Variants in RASL10A observed in about 807,000 individuals in gnomAD.
The protein encoded by RASL10A is ras-like protein family member 10A.
In RASL10A, 13 loss-of-function variants were observed where a neutral mutation model predicts 17.3. The ratio of observed to expected loss-of-function variants is 0.75; its 90% CI spans 0.49 to 1.20. The LOEUF is 1.20. Among genes scored for constraint, RASL10A ranks in the 50% most tolerant of loss-of-function variants. The probability of loss-of-function intolerance (pLI) is 0.00; values close to 1 mark genes in which losing one functional copy is unlikely to be tolerated. For synonymous variants in RASL10A, 159 were observed against 142.2 expected (o/e 1.12, Z -0.84); for missense variants, 307 against 310.3 (o/e 0.99, Z 0.08).
At chr22:29,318,300 G>T (rs2061462518), upstream of RASL10A, among the ~76,000 whole-genome samples, 1 of 152,228 alleles carries the variant, frequency 6.6e-6, no homozygotes, top group Non-Finnish European at 1.5e-5. Context: ...ACAGCCTCAT[G>T]CTCACTAAGG....
At chr22:29,313,610 C>T in intron 2 of RASL10A, 42 bp from the exon 3 acceptor site, 1 of 1,490,534 alleles carries the variant, frequency 6.7e-7, no homozygotes, top group Non-Finnish European at 8.9e-7. Context: ...GACCCCACGG[C>T]CGGAGAATTC....
intron 1 of RASL10A, 58 bp from the exon 2 acceptor site, chr22:29,314,045 C>T (rs2061438212): frequency 6.2e-7 from 1 of 1,600,242 alleles, no homozygotes; most frequent in South Asian, 1.1e-5. Context: ...CGCTCTCGAA[C>T]CCTCTGCAGG....
chr22:29,316,728 G>T (rs1347107508), upstream of RASL10A: 1 of 152,116 alleles, frequency 6.6e-6, no homozygotes. Context: ...AGAAATGGCC[G>T]CAATGCACAG....
Position 29,313,508 on chromosome 22 carries a change from C to A in RASL10A, c.405G>T (p.Arg135=). Residue 135 remains arginine, a synonymous_variant, in exon 3 of 3, where the codon CGG becomes CGT. Coordinates refer to ENST00000216101, the MANE Select transcript of RASL10A (RefSeq NM_006477.5). ...LVVGNKRDRQ[R]LRFGPRRALA... is the part of the protein sequence containing the mutation. ...GCGCGCGCCGCGGTCCGAAGCGCAG[C>A]CGCTGCCTGTCCCGCTTGTTGCCTA... 6.4e-7 allele frequency: 1 copy of A among 1,571,306 alleles called. No homozygotes were observed. The highest frequency in any genetic ancestry group is 8.6e-7 in the Non-Finnish European group (1 of 1,166,776).
At position 29,313,437 on chromosome 22, in the gene RASL10A, C is replaced by G; in HGVS notation, c.476G>C (p.Cys159Ser). The G allele has an allele frequency of 6.5e-7, 1 of 1,541,140 alleles. No homozygotes were observed. Among genetic ancestry groups the G allele is most frequent in the South Asian group, 1.2e-5 (1 of 84,184 alleles). The change falls in exon 3 of 3, where the codon TGC (cysteine) becomes TCC (serine). Residue 159 changes from cysteine to serine, a missense_variant. Physicochemically the swap from Cys to Ser is moderately radical, Grantham distance 112 (BLOSUM62 -1). Transcript: ENST00000216101. Reference protein sequence around the residue: ...RRGWRCGYLECSAKYNWHVLR... With the variant: ...RRGWRCGYLESSAKYNWHVLR... ...CACGTGCCAGTTGTACTTGGCGGAG[C>G]ACTCGAGGTAGCCGCAGCGCCAGCC...
In RASL10A at chr22:29,313,486, C is replaced by G; in HGVS notation, c.427G>C (p.Ala143Pro). 6.4e-7 allele frequency: 1 copy of G among 1,556,316 alleles called. No homozygotes were observed. Among genetic ancestry groups the G allele is most frequent in the Non-Finnish European group, 8.6e-7 (1 of 1,158,162 alleles). The change falls in exon 3 of 3, where the codon GCG (alanine) becomes CCG (proline). Residue 143 changes from alanine to proline, a missense_variant. Physicochemically the swap from Ala to Pro is conservative, Grantham distance 27 (BLOSUM62 -1). Transcript: ENST00000216101. ...RQRLRFGPRR[A>P]LAALVRRGWR... Reference sequence around the variant, plus strand: ...CCCCTGCGCACTAGGGCGGCCAGCGCGCGCCGCGGTCCGAAGCGCAGCCGC... The same window carrying G: ...CCCCTGCGCACTAGGGCGGCCAGCGGGCGCCGCGGTCCGAAGCGCAGCCGC...
rs1163332504 is a variant in RASL10A at position 29,315,524 on chromosome 22, G to A, written c.-278C>T. 4 of 209,842 alleles carry A rather than the reference G, an allele frequency of 1.9e-5. No individual in the cohort carries two copies. The highest frequency in any genetic ancestry group is 3.7e-5 in the Non-Finnish European group (4 of 106,920). 13.0% of individuals were successfully genotyped at this position (209,842 alleles called of 1,614,324 possible). On this transcript the variant is annotated 5_prime_UTR_variant, in exon 1 of 3. Transcript: ENST00000216101. The surrounding 1 kb of genome is among the most constrained non-coding windows in gnomAD (Gnocchi z 5.5). ...CGAGAGAGAGCAGAGCCGGAGCGGC[G>A]CTCAGACACCGCCTCCGCCCCGCAG...
rs149913061 is a variant in RASL10A, at chr22:29,315,551, G to A, written c.-305C>T. ...TCAGACACCGCCTCCGCCCCGCAGC[G>A]CCAACCCAGGCGCCGGCGGACGCGC... On this transcript the variant is annotated 5_prime_UTR_variant, in exon 1 of 3. Coordinates refer to ENST00000216101, the MANE Select transcript of RASL10A (RefSeq NM_006477.5). The surrounding 1 kb of genome is among the most constrained non-coding windows in gnomAD (Gnocchi z 5.5). 0.051 allele frequency: 9,203 copies of A among 180,940 alleles called. 311 individuals are homozygous for A. Among genetic ancestry groups the A allele is most frequent in the Non-Finnish European group, 0.072 (6,324 of 87,434 alleles). The allele number at this position is 180,940 out of a possible 1,614,324, so 11.2% of individuals were successfully genotyped here. A position where few individuals can be genotyped will look rare whatever the true frequency, so the allele number is the denominator to read the frequency against.
In RASL10A at chr22:29,313,495, G is replaced by A. The variant is rs765489818; in HGVS notation, c.418C>T (p.Pro140Ser). The part of the protein sequence containing the change: ...KRDRQRLRFG[P>S]RRALAALVRR... ...ACTAGGGCGGCCAGCGCGCGCCGCG[G>A]TCCGAAGCGCAGCCGCTGCCTGTCC... The change falls in exon 3 of 3, where the codon CCG (proline) becomes TCG (serine). Residue 140 changes from proline to serine, a missense_variant. Coordinates refer to ENST00000216101, the MANE Select transcript of RASL10A (RefSeq NM_006477.5). 3.5e-5 allele frequency: 54 copies of A among 1,563,716 alleles called. No homozygotes were observed. Among genetic ancestry groups the A allele is most frequent in the Non-Finnish European group, 4.6e-5 (53 of 1,162,590 alleles).
At chr22:29,313,705 C>T (rs2061435292) in intron 2 of RASL10A, 137 bp from the exon 3 acceptor site, 4 of 1,426,954 alleles carry the variant, frequency 2.8e-6, no homozygotes, top group African/African-American at 1.4e-5. Context: ...AAACCCCAGG[C>T]CCATGTGGGC....
Position 29,313,545 on chromosome 22 carries a change from G to C in RASL10A, c.368C>G (p.Pro123Arg). The C allele has an allele frequency of 6.5e-7, 1 of 1,537,852 alleles. No individual in the cohort carries two copies. Among genetic ancestry groups the C allele is most frequent in the South Asian group, 1.2e-5 (1 of 81,664 alleles). ...ETRPAGAPEA[P>R]ILVVGNKRDR... is the part of the protein sequence containing the mutation. ...CCGCTTGTTGCCTACCACGAGGATGGGCGCTTCGGGCGCGCCCGCCGGCCT... is the reference window on the plus strand; with the variant it reads ...CCGCTTGTTGCCTACCACGAGGATGCGCGCTTCGGGCGCGCCCGCCGGCCT... The change falls in exon 3 of 3, where the codon CCC (proline) becomes CGC (arginine). Residue 123 changes from proline (P) to arginine (R), a missense_variant. By Grantham distance (103) the Pro-to-Arg change is moderately radical (BLOSUM62 -2). Transcript: ENST00000216101.
At chr22:29,318,880 G>A (rs1023956474), upstream of RASL10A, among the ~76,000 whole-genome samples, 1 of 152,206 alleles carries the variant, frequency 6.6e-6, no homozygotes, top group East Asian at 1.9e-4. Flanking sequence ...CTGTGGCAGG[G>A]AGAAAGAGAC....
chr22:29,313,857 C>T lies in RASL10A; in HGVS notation c.344+6G>A. On this transcript the variant is annotated splice_donor_region_variant and intron_variant, in intron 2 of 2. Coordinates refer to ENST00000216101, the MANE Select transcript of RASL10A (RefSeq NM_006477.5). ...CTCCCCACCGCCAGAACTGCCGGGC[C>T]CCTACCTGGTCTCCGCGATGCGCTG... is the stretch of plus-strand genomic sequence containing the variant. 2 of 1,613,112 alleles carry T rather than the reference C, an allele frequency of 1.2e-6. No homozygotes were observed. The highest frequency in any genetic ancestry group is 1.1e-5 in the South Asian group (1 of 91,086).
Position 29,313,562 on chromosome 22 carries a change from C to T in RASL10A, c.351G>A (p.Ala117=). The part of the protein sequence containing the change: ...LRQRIAETRP[A]GAPEAPILVV... ...CGAGGATGGGCGCTTCGGGCGCGCC[C>T]GCCGGCCTGGGGGCCGAATGGAGAT... The change falls in exon 3 of 3, where the codon GCG becomes GCA. Residue 117 remains alanine, a synonymous_variant. Transcript: ENST00000216101. The T allele has an allele frequency of 1.3e-6, 2 of 1,535,112 alleles. No individual in the cohort carries two copies. The highest frequency in any genetic ancestry group is 1.7e-6 in the Non-Finnish European group (2 of 1,152,560).
In RASL10A at chr22:29,313,982, CCA is replaced by C; in HGVS notation, c.223_224del (p.Trp75AlafsTer4). ...GCAAGCTCCAGTCCTTAGCGTCTGG[CCA>C]CTCCTGGGGACAGGAGGCCAGGGTT... The part of the protein sequence containing the change: ...PGSSPGGPEE[W>X]PDAKDWSLQD... On this transcript the variant is annotated frameshift_variant, in exon 2 of 3. Transcript: ENST00000216101. LOFTEE classifies it high-confidence loss of function. 6.2e-7 allele frequency: 1 copy of C among 1,613,392 alleles called. No individual in the cohort carries two copies.
chr22:29,314,385 C>CGTAG lies in RASL10A; in HGVS notation c.220-402_220-399dup, dbSNP rs898425824. The CGTAG allele has an allele frequency of 2.7e-4, 50 of 186,142 alleles. 2 individuals carry two copies. Among genetic ancestry groups the CGTAG allele is most frequent in the African/African-American group, 1.2e-3 (49 of 42,486 alleles). 11.5% of individuals were successfully genotyped at this position (186,142 alleles called of 1,614,324 possible). ...ATTGTCAGCTGTAACCGTTTATGAC[C>CGTAG]GTAGCGTAAGCACCTGCTGGTCTTT... is the stretch of plus-strand genomic sequence containing the variant. On this transcript the variant is annotated intron_variant, in intron 1 of 2. Transcript: ENST00000216101.
At chr22:29,318,711 C>T (rs2061464103), upstream of RASL10A, among the ~76,000 whole-genome samples, 1 of 152,184 alleles carries the variant, frequency 6.6e-6, no homozygotes, top group African/African-American at 2.4e-5. Context: ...CTGCCTGCTG[C>T]CCCCCTCCAA....
rs1222782947 is a variant in RASL10A, at chr22:29,313,371, C to T, written c.542G>A (p.Arg181His). The change falls in exon 3 of 3, where the codon CGC becomes CAC. Residue 181 changes from arginine to histidine, a missense_variant. Coordinates refer to ENST00000216101, the MANE Select transcript of RASL10A (RefSeq NM_006477.5). The part of the protein sequence containing the change: ...FRELLRCALV[R>H]ARPAHPALRL... ...CAGGGCCGGGTGTGCAGGGCGCGCG[C>T]GCACCAGAGCGCAGCGCAGCAGCTC... 1 of 1,543,084 alleles carries T rather than the reference C, an allele frequency of 6.5e-7. No individual in the cohort carries two copies. The highest frequency in any genetic ancestry group is 8.7e-7 in the Non-Finnish European group (1 of 1,145,400).
Position 29,313,250 on chromosome 22 carries a change from T to G in RASL10A, c.*51A>C, listed in dbSNP as rs566796561. 1.2e-5 allele frequency: 18 copies of G among 1,445,380 alleles called. No individual in the cohort carries two copies. Among genetic ancestry groups the G allele is most frequent in the Non-Finnish European group, 1.6e-5 (18 of 1,095,694 alleles). 89.5% of individuals were successfully genotyped at this position (1,445,380 alleles called of 1,614,324 possible). A position where few individuals can be genotyped will look rare whatever the true frequency, so the allele number is the denominator to read the frequency against. Reference sequence around the variant, plus strand: ...GGCGATCCCGTCCAATCCAGGTCCCTGATTGTCCCAGTCACAAGGTGGGGC... The same window carrying G: ...GGCGATCCCGTCCAATCCAGGTCCCGGATTGTCCCAGTCACAAGGTGGGGC... On this transcript the variant is annotated 3_prime_UTR_variant, in exon 3 of 3. Coordinates refer to ENST00000216101, the MANE Select transcript of RASL10A (RefSeq NM_006477.5).
Sources: allele counts gnomAD v4.1 joint callset (sites outside exome capture counted in the v4.1 genomes callset), GRCh38; gene constraint gnomAD v4.1.1; non-coding constraint Gnocchi (gnomAD v3.1); transcripts MANE v1.5; gene names NCBI Gene and HGNC (gene_info 2026-07-23, HGNC 2026-07-21).